The following STK31 variants were observed in gnomAD, a reference collection of about 807,000 sequenced individuals.
The protein encoded by STK31 is serine/threonine-protein kinase 31.
In STK31, 89 loss-of-function variants were observed where a neutral mutation model predicts 129.7. The observed-to-expected ratio is 0.69, with a 90% CI of 0.58 to 0.82. STK31 has a LOEUF of 0.82. STK31 is among the 40% of genes least tolerant of loss of function. The pLI is 0.00. For missense variants in STK31, 1,187 were observed against 1,176.4 expected, an observed-to-expected ratio of 1.01 and a Z score of -0.13; for synonymous variants, 448 against 395.3, an observed-to-expected ratio of 1.13 and a Z score of -1.58.
At position 23,762,899 on chromosome 7, in the gene STK31, T is replaced by G. The variant is rs746634637; in HGVS notation, c.1392T>G (p.Leu464=). The G allele has an allele frequency of 6.3e-7, 1 of 1,594,242 alleles. No individual in the cohort carries two copies. The highest frequency in any genetic ancestry group is 1.8e-5 in the Admixed American group (1 of 56,230). ...TTCTGGAAGTTGATGAGTCATCTCTTAATAAACGCTTAAAAACATTGCAGG... is the reference window on the plus strand; with the variant it reads ...TTCTGGAAGTTGATGAGTCATCTCTGAATAAACGCTTAAAAACATTGCAGG... ...DFILEVDESS[L]NKRLKTLQDL... Residue 464 remains leucine, a synonymous_variant, in exon 11 of 24, where the codon CTT becomes CTG. Transcript: ENST00000355870.
Position 23,788,054 on chromosome 7 carries a change from A to G in STK31, c.2562A>G (p.Ser854=), listed in dbSNP as rs1791406839. The stretch of plus-strand genomic sequence containing the variant: ...ATAAGGCTGACATAATTCATGGATC[A>G]CTTCATCAGAACAATGTATTTGCTT... ...TLHKADIIHG[S]LHQNNVFALN... Residue 854 remains serine, a synonymous_variant, in exon 21 of 24, where the codon TCA becomes TCG. Transcript: ENST00000355870. 6.2e-7 allele frequency: 1 copy of G among 1,612,494 alleles called. No individual in the cohort carries two copies. Among genetic ancestry groups the G allele is most frequent in the Non-Finnish European group, 8.5e-7 (1 of 1,179,280 alleles).
At chr7:23,712,166 T>C in intron 2 of STK31, 21 bp downstream of exon 2, 10 of 1,613,714 alleles carry the variant, frequency 6.2e-6, no homozygotes, top group Non-Finnish European at 6.8e-6. Flanking sequence ...TAAAAATTAT[T>C]TTGGGGTGTA....
chr7:23,827,279 G>C (rs1289476360), intron 23 of STK31, among the ~76,000 whole-genome samples: 1 of 152,100 alleles, frequency 6.6e-6, no homozygotes, highest in African/African-American at 2.4e-5. Flanking sequence ...CATATTTCTT[G>C]GAGGCTTTGT....
rs3034048 is a variant in STK31 at position 23,830,592 on chromosome 7, T to TTGTGTGTGTGTGTGTG, written c.2830-1522_2830-1507dup. ...AGCAGCACGTTGTTTAATTTCCATG[T>TTGTGTGTGTGTGTGTG]TGTGTGTGTGTGTGTGTGTGTGTGT... On this transcript the variant is annotated intron_variant, in intron 23 of 23. Coordinates refer to ENST00000355870, the MANE Select transcript of STK31 (RefSeq NM_031414.5). 7.0e-3 allele frequency among the ~76,000 whole-genome samples: 990 copies of TTGTGTGTGTGTGTGTG among 142,200 alleles called. 4 individuals are homozygous for TTGTGTGTGTGTGTGTG. Among genetic ancestry groups the TTGTGTGTGTGTGTGTG allele is most frequent in the African/African-American group, 0.01 (378 of 37,090 alleles). The allele number at this position is 142,200 out of a possible 152,430, so 93.3% of individuals were successfully genotyped here. A position where few individuals can be genotyped will look rare whatever the true frequency, so the allele number is the denominator to read the frequency against.
chr7:23,796,200 A>C (rs1791941102), intron 22 of STK31, among the ~76,000 whole-genome samples: 1 of 152,282 alleles, frequency 6.6e-6, no homozygotes, highest in Non-Finnish European at 1.5e-5. Flanking sequence ...GTTCCCCCAT[A>C]CTGTTCTCAT....
At chr7:23,731,023 A>G (rs1262356690) in intron 6 of STK31, among the ~76,000 whole-genome samples, 1 of 150,396 alleles carries the variant, frequency 6.6e-6, no homozygotes, top group African/African-American at 2.4e-5. Flanking sequence ...AGCTGGAATT[A>G]CAGGCACCCG....
chr7:23,772,379 G>C, intron 15 of STK31, 101 bp downstream of exon 15: 1 of 1,210,860 alleles, frequency 8.3e-7, no homozygotes, highest in Non-Finnish European at 1.1e-6. Flanking sequence ...TACAATAAGA[G>C]AGCCATTACA....
At chr7:23,727,193 C>A (rs1187115297) in intron 4 of STK31, 48 bp from the exon 5 acceptor site, 6 of 1,484,678 alleles carry the variant, frequency 4.0e-6, no homozygotes, top group South Asian at 1.1e-5. Context: ...CTGATCTGTT[C>A]ACCATGCTTT....
In STK31 at chr7:23,815,195, G is replaced by A. The variant is rs1403773642; in HGVS notation, c.2812G>A (p.Val938Met). 6.3e-7 allele frequency: 1 copy of A among 1,592,982 alleles called. No individual in the cohort carries two copies. Among genetic ancestry groups the A allele is most frequent in the Admixed American group, 1.8e-5 (1 of 56,634 alleles). The change falls in exon 23 of 24, where the codon GTG becomes ATG. Residue 938 changes from valine to methionine, a missense_variant. By Grantham distance (21) the Val-to-Met change is conservative. Coordinates refer to ENST00000355870, the MANE Select transcript of STK31 (RefSeq NM_031414.5). The stretch of plus-strand genomic sequence containing the variant: ...GATAAATAAAGATGGAATCCCCAAA[G>A]TGGATCAGTTTCATCTGGTATGTGA... ...FEINKDGIPK[V>M]DQFHLDDKVK...
intron 13 of STK31, 108 bp downstream of exon 13, chr7:23,769,864 A>G (rs997040884): frequency 4.7e-6 from 3 of 637,220 alleles, no homozygotes; most frequent in South Asian, 2.8e-5. Context: ...GTTAGAAAGT[A>G]TTAAGACTGA....
intron 22 of STK31, among the ~76,000 whole-genome samples, chr7:23,804,437 A>G (rs913569044): frequency 1.3e-5 from 2 of 152,134 alleles, no homozygotes; most frequent in African/African-American, 2.4e-5. Flanking sequence ...GGGCACTCAA[A>G]TATTAGTTGA....
chr7:23,789,078 T>G (rs764736524), intron 21 of STK31, among the ~76,000 whole-genome samples: 4 of 152,180 alleles, frequency 2.6e-5, no homozygotes, highest in Non-Finnish European at 5.9e-5. Context: ...TTATGCTAAT[T>G]TCACTTAGCA....
At chr7:23,721,012 T>TGTA (rs1786657965) in intron 4 of STK31, among the ~76,000 whole-genome samples, 1 of 152,216 alleles carries the variant, frequency 6.6e-6, no homozygotes, top group African/African-American at 2.4e-5. Flanking sequence ...CCCTTACCAC[T>TGTA]ACAAATCTGT....
At chr7:23,776,735 G>A (rs1255550785) in intron 15 of STK31, among the ~76,000 whole-genome samples, 1 of 151,924 alleles carries the variant, frequency 6.6e-6, no homozygotes, top group Non-Finnish European at 1.5e-5. Flanking sequence ...CTGGCTAGTG[G>A]TCTATCTATT....
intron 22 of STK31, among the ~76,000 whole-genome samples, chr7:23,792,374 A>C (rs1791672924): frequency 6.6e-6 from 1 of 152,202 alleles, no homozygotes; most frequent in Non-Finnish European, 1.5e-5. Context: ...AAAAGTATTA[A>C]AATATGGAAT....
chr7:23,797,552 T>TA, intron 22 of STK31, among the ~76,000 whole-genome samples: 1 of 152,308 alleles, frequency 6.6e-6, no homozygotes, highest in South Asian at 2.1e-4. Context: ...AAATAAGTTC[T>TA]TTGAAACCAA....
chr7:23,817,768 T>C (rs1326332891), intron 23 of STK31, among the ~76,000 whole-genome samples: 1 of 152,240 alleles, frequency 6.6e-6, no homozygotes, highest in African/African-American at 2.4e-5. Context: ...TTAAGTTATC[T>C]AGCTTGTTGG....
rs760494517 is a variant in STK31 at position 23,781,444 on chromosome 7, T to C, written c.1991T>C (p.Ile664Thr). The change falls in exon 16 of 24, where the codon ATT becomes ACT. Residue 664 changes from isoleucine (I) to threonine (T), a missense_variant. This residue lies in a region of STK31 where 975 missense variants were observed against 934.9 expected (regional missense o/e 1.04). Coordinates refer to ENST00000355870, the MANE Select transcript of STK31 (RefSeq NM_031414.5). ...EESDDPDGSQIEKIKEEITQL... is the reference protein window; with the variant it reads ...EESDDPDGSQTEKIKEEITQL... ...TCAGATGATCCTGATGGCTCTCAAA[T>C]TGAGAAAATAAAAGAAGAAATAACT... is the stretch of plus-strand genomic sequence containing the variant. 7 of 1,611,148 alleles carry C rather than the reference T, an allele frequency of 4.3e-6. No homozygotes were observed. In the East Asian group the frequency reaches 1.3e-4, roughly 31 times the overall value.
chr7:23,832,011 C>G (rs1583358662), intron 23 of STK31, 125 bp from the exon 24 acceptor site: 1 of 657,490 alleles, frequency 1.5e-6, no homozygotes, highest in East Asian at 2.7e-5. Context: ...TACCAGATAC[C>G]TCGTCAGTCA....
Sources: allele counts gnomAD v4.1 joint callset (sites outside exome capture counted in the v4.1 genomes callset), GRCh38; gene constraint gnomAD v4.1.1; regional missense constraint gnomAD v4.1.1; transcripts MANE v1.5; gene names NCBI Gene and HGNC (gene_info 2026-07-23, HGNC 2026-07-21).